DSCAM: variants seen among roughly 807,000 people sequenced by gnomAD.
DSCAM encodes cell adhesion molecule DSCAM.
A neutral mutation model predicts 217.7 loss-of-function variants in DSCAM; 47 were observed. The ratio of observed to expected loss-of-function variants is 0.22; its 90% CI spans 0.17 to 0.28. The LOEUF is 0.28. Among genes scored for constraint, DSCAM ranks in the 10% least tolerant of loss-of-function variants. The pLI is 1.00. For synonymous variants in DSCAM, 1,056 were observed against 1,015.3 expected (o/e 1.04, Z -0.76); for missense variants, 2,080 against 2,618.3 (o/e 0.79, Z 4.49).
In DSCAM at chr21:40,479,758, C is replaced by T. The variant is rs575829644; in HGVS notation, c.509-110513G>A. On this transcript the variant is annotated intron_variant, in intron 3 of 32. Transcript: ENST00000400454. ...AGATGAGATTTGGGTGGGGACACAG[C>T]CAGACCATATCACATGGGATTCTCC... Among the ~76,000 whole-genome samples the T allele has an allele frequency of 5.3e-5, 8 of 152,228 alleles. No individual in the cohort carries two copies. In the South Asian group the frequency reaches 1.5e-3, roughly 28 times the overall value.
At chr21:40,133,419 T>C (rs2090174070) in intron 19 of DSCAM, among the ~76,000 whole-genome samples, 1 of 152,170 alleles carries the variant, frequency 6.6e-6, no homozygotes, top group Non-Finnish European at 1.5e-5. Flanking sequence ...GTGATTCAGC[T>C]GGCAAAGAAT....
At position 40,829,364 on chromosome 21, in the gene DSCAM, T is replaced by G. The variant is rs577730353; in HGVS notation, c.43+17255A>C. 1.4e-4 allele frequency among the ~76,000 whole-genome samples: 21 copies of G among 152,256 alleles called. No homozygotes were observed. The South Asian group carries it at 3.9e-3, about 29-fold the overall frequency. On this transcript the variant is annotated intron_variant, in intron 1 of 32. Transcript: ENST00000400454. ...TCTTCCCACAGACACAGAAATCAAC[T>G]AGGGCAGTGAGGTAGATTGAGGGCA...
chr21:40,254,424 C>A (rs56403832), intron 11 of DSCAM, among the ~76,000 whole-genome samples: 7 of 152,130 alleles, frequency 4.6e-5, no homozygotes, highest in African/African-American at 1.2e-4. Context: ...TATGCTCCCC[C>A]ATTCCTCTAA....
At chr21:40,721,138 C>G (rs1258125723) in intron 1 of DSCAM, among the ~76,000 whole-genome samples, 1 of 152,094 alleles carries the variant, frequency 6.6e-6, no homozygotes, top group Non-Finnish European at 1.5e-5. Context: ...TTAATCATAA[C>G]AAAATTTAAA....
At chr21:40,052,205 T>G (rs569554530) in intron 29 of DSCAM, 98 bp from the exon 30 acceptor site, 2 of 1,347,744 alleles carry the variant, frequency 1.5e-6, no homozygotes, top group Non-Finnish European at 2.0e-6. Flanking sequence ...TTATTGTTAA[T>G]GACAACCACA....
intron 11 of DSCAM, among the ~76,000 whole-genome samples, chr21:40,262,870 A>G (rs919291517): frequency 1.4e-4 from 21 of 152,332 alleles, no homozygotes; most frequent in East Asian, 5.8e-4. Context: ...TGAATCAATG[A>G]AAAGAATCAG....
intron 3 of DSCAM, among the ~76,000 whole-genome samples, chr21:40,502,484 G>C (rs1337087958): frequency 6.6e-6 from 1 of 152,126 alleles, no homozygotes; most frequent in Non-Finnish European, 1.5e-5. Context: ...TAAAAGCAAG[G>C]GGTTGGCAGG....
At chr21:40,580,796 A>G (rs2076899156) in intron 3 of DSCAM, among the ~76,000 whole-genome samples, 1 of 152,224 alleles carries the variant, frequency 6.6e-6, no homozygotes, top group Non-Finnish European at 1.5e-5. Context: ...ATGTACCTAC[A>G]TGACTAACTA....
At chr21:40,291,140 A>C (rs1361124705) in intron 10 of DSCAM, among the ~76,000 whole-genome samples, 1 of 152,016 alleles carries the variant, frequency 6.6e-6, no homozygotes, top group Non-Finnish European at 1.5e-5. Flanking sequence ...CTTTTGTCAC[A>C]CCCATAGTAT....
In DSCAM at chr21:40,012,171, G is replaced by C. The variant is rs1261518906; in HGVS notation, c.*863C>G. The C allele has an allele frequency of 1.3e-5, 2 of 152,238 alleles. No homozygotes were observed. Among genetic ancestry groups the C allele is most frequent in the East Asian group, 3.9e-4 (2 of 5,184 alleles). The allele number at this position is 152,238 out of a possible 1,614,324, so 9.4% of individuals were successfully genotyped here. On this transcript the variant is annotated 3_prime_UTR_variant, in exon 33 of 33. Coordinates refer to ENST00000400454, the MANE Select transcript of DSCAM (RefSeq NM_001389.5). ...GGGGCAGAGCTTTGCGACGGGCTTC[G>C]AATACTTGGGCTGGCCTCTGGTTGC... is the stretch of plus-strand genomic sequence containing the variant.
intron 3 of DSCAM, among the ~76,000 whole-genome samples, chr21:40,391,996 C>T (rs891543966): frequency 3.3e-5 from 5 of 152,108 alleles, no homozygotes; most frequent in Admixed American, 6.5e-5. Context: ...GGAACCACGC[C>T]GGTGAAATAC....
intron 3 of DSCAM, among the ~76,000 whole-genome samples, chr21:40,458,252 C>A (rs911843335): frequency 6.6e-6 from 1 of 152,268 alleles, no homozygotes; most frequent in African/African-American, 2.4e-5. Context: ...ATCTTGAAGA[C>A]ATGCTAGGTC....
chr21:40,704,195 C>T lies in DSCAM; in HGVS notation c.361+4259G>A, dbSNP rs149657481. ...GCTCCGTCTGTTCAACCCTCCCTCC[C>T]TCCTGACTATCCCCTGGAAACTACT... On this transcript the variant is annotated intron_variant, in intron 2 of 32. Coordinates refer to ENST00000400454, the MANE Select transcript of DSCAM (RefSeq NM_001389.5). 2.3e-3 allele frequency among the ~76,000 whole-genome samples: 345 copies of T among 152,262 alleles called. 2 individuals carry two copies. Among genetic ancestry groups the T allele is most frequent in the African/African-American group, 7.8e-3 (324 of 41,550 alleles).
intron 1 of DSCAM, among the ~76,000 whole-genome samples, chr21:40,755,576 A>G (rs1340473326): frequency 6.6e-6 from 1 of 152,128 alleles, no homozygotes; most frequent in Non-Finnish European, 1.5e-5. Flanking sequence ...AGGAGTGGAG[A>G]AAAGGAAAGG....
At chr21:40,655,126 C>T (rs1236884927) in intron 3 of DSCAM, among the ~76,000 whole-genome samples, 1 of 152,140 alleles carries the variant, frequency 6.6e-6, no homozygotes, top group Non-Finnish European at 1.5e-5. Context: ...CAGCGTGCCA[C>T]ACTCATGCAC....
At chr21:40,578,141 A>G (rs1167996305) in intron 3 of DSCAM, among the ~76,000 whole-genome samples, 2 of 152,232 alleles carry the variant, frequency 1.3e-5, no homozygotes, top group African/African-American at 4.8e-5. Flanking sequence ...ATGCACTGAG[A>G]AAAATAGAGT....
At chr21:40,188,956 A>G in intron 12 of DSCAM, 86 bp downstream of exon 12, 8 of 1,330,166 alleles carry the variant, frequency 6.0e-6, no homozygotes, top group Non-Finnish European at 7.5e-6. Flanking sequence ...ATTATCTGCT[A>G]CTTATCTGCA....
chr21:40,579,005 C>T (rs555788754), intron 3 of DSCAM, among the ~76,000 whole-genome samples: 2 of 152,210 alleles, frequency 1.3e-5, no homozygotes, highest in East Asian at 3.9e-4. Context: ...AACAAAACAA[C>T]AATATGCATT....
At chr21:40,154,065 C>G (rs940226687) in intron 16 of DSCAM, among the ~76,000 whole-genome samples, 1 of 152,132 alleles carries the variant, frequency 6.6e-6, no homozygotes, top group African/African-American at 2.4e-5. Context: ...AGCTGGCTAT[C>G]TTGGTCCATG....
Sources: gnomAD v4.1 joint callset for allele counts (sites outside exome capture counted in the v4.1 genomes callset) on GRCh38, gnomAD v4.1.1 for gene constraint, MANE v1.5 for transcripts, NCBI Gene and HGNC (gene_info 2026-07-23, HGNC 2026-07-21) for gene names.